ACBD6: variants seen among roughly 807,000 people sequenced by gnomAD.
ACBD6 encodes acyl-CoA-binding domain-containing protein 6.
Under a neutral mutation model 37.2 loss-of-function variants are expected in ACBD6, and 28 were observed. The ratio of observed to expected loss-of-function variants is 0.75; its 90% CI spans 0.56 to 1.03. The LOEUF is 1.03. ACBD6 is among the 50% of genes least tolerant of loss of function. ACBD6 has a pLI of 0.00. For missense variants in ACBD6, 340 were observed against 337.4 expected, an observed-to-expected ratio of 1.01 and a Z score of -0.06; for synonymous variants, 113 against 126.8, an observed-to-expected ratio of 0.89 and a Z score of 0.73.
chr1:180,495,344 T>G, intron 2 of ACBD6, 117 bp downstream of exon 2: 1 of 739,140 alleles, frequency 1.4e-6, no homozygotes, highest in Non-Finnish European at 2.2e-6. Flanking sequence ...TAGTACAATC[T>G]ACAGCAGAGA....
At chr1:180,349,324 C>T (rs1337820834) in intron 6 of ACBD6, among the ~76,000 whole-genome samples, 2 of 150,730 alleles carry the variant, frequency 1.3e-5, no homozygotes, top group East Asian at 3.9e-4. Context: ...CGGGCGATCT[C>T]GGCTCACTGC....
chr1:180,496,053 A>ATGC (rs1199943841), intron 1 of ACBD6, among the ~76,000 whole-genome samples: 2 of 152,202 alleles, frequency 1.3e-5, no homozygotes, highest in African/African-American at 2.4e-5. Flanking sequence ...TTTGGATGCC[A>ATGC]AAAGCCATGC....
At chr1:180,385,681 G>A (rs78639761) in intron 6 of ACBD6, among the ~76,000 whole-genome samples, 73,399 of 151,370 alleles carry the variant, frequency 0.48, 20,571 homozygotes, top group South Asian at 0.66. Context: ...AGGCCCGTGA[G>A]GACCCAGCAA....
intron 6 of ACBD6, among the ~76,000 whole-genome samples, chr1:180,349,572 T>TA (rs201800784): frequency 4.0e-5 from 1 of 25,030 alleles, no homozygotes; most frequent in South Asian, 1.6e-3. Flanking sequence ...TTCTTTAGTA[T>TA]AAAAAAATAA....
chr1:180,460,131 C>G (rs971794535), intron 3 of ACBD6, among the ~76,000 whole-genome samples: 1 of 151,022 alleles, frequency 6.6e-6, no homozygotes, highest in Non-Finnish European at 1.5e-5. Context: ...TCCCTCCCCC[C>G]TCCCCCTACC....
At chr1:180,429,820 A>G (rs1328184032) in intron 4 of ACBD6, among the ~76,000 whole-genome samples, 1 of 152,178 alleles carries the variant, frequency 6.6e-6, no homozygotes, top group Non-Finnish European at 1.5e-5. Context: ...CTTTAGATTG[A>G]GACACAACAT....
chr1:180,327,140 AC>A (rs1318193641), intron 6 of ACBD6, among the ~76,000 whole-genome samples: 1 of 151,884 alleles, frequency 6.6e-6, no homozygotes, highest in Non-Finnish European at 1.5e-5. Flanking sequence ...TATATTTAGG[AC>A]CCCAGATATC....
intron 5 of ACBD6, among the ~76,000 whole-genome samples, chr1:180,405,879 A>T (rs1647603636): frequency 6.6e-6 from 1 of 152,180 alleles, no homozygotes. Flanking sequence ...ATGTGGGTCA[A>T]GGATAAAAAT....
chr1:180,364,021 T>G (rs574518022), intron 6 of ACBD6, among the ~76,000 whole-genome samples: 1 of 152,314 alleles, frequency 6.6e-6, no homozygotes, highest in East Asian at 1.9e-4. Flanking sequence ...AAGATGTGTC[T>G]AAGCCTTTTT....
intron 6 of ACBD6, among the ~76,000 whole-genome samples, chr1:180,347,736 C>G (rs1652242096): frequency 6.6e-6 from 1 of 152,118 alleles, no homozygotes; most frequent in East Asian, 1.9e-4. Context: ...GTTTGGGAGG[C>G]TGAGGCGGGT....
chr1:180,321,490 T>C (rs1231566316), intron 6 of ACBD6, among the ~76,000 whole-genome samples: 2 of 152,172 alleles, frequency 1.3e-5, no homozygotes, highest in South Asian at 2.1e-4. Context: ...TAGTTTTCAT[T>C]GTAGAGATCT....
chr1:180,288,347 T>C lies in ACBD6; in HGVS notation c.*16A>G, dbSNP rs1485429963. On this transcript the variant is annotated 3_prime_UTR_variant, in exon 8 of 8. Transcript: ENST00000367595. The stretch of plus-strand genomic sequence containing the variant: ...AGCCTTATGCTATTACAGACTGCAG[T>C]TTTCCAGTCTTTTGATTAAGCCTTG... 2 of 1,613,416 alleles carry C rather than the reference T, an allele frequency of 1.2e-6. No homozygotes were observed. The highest frequency in any genetic ancestry group is 2.7e-5 in the African/African-American group (2 of 74,910).
At chr1:180,489,356 A>G (rs1239480273) in intron 3 of ACBD6, among the ~76,000 whole-genome samples, 1 of 151,738 alleles carries the variant, frequency 6.6e-6, no homozygotes, top group Non-Finnish European at 1.5e-5. Context: ...AAAAGCTATG[A>G]GTCAAAGGGG....
At chr1:180,371,104 T>TG (rs766313404) in intron 6 of ACBD6, among the ~76,000 whole-genome samples, 109 of 152,226 alleles carry the variant, frequency 7.2e-4, no homozygotes, top group Non-Finnish European at 1.3e-3. Flanking sequence ...TTGGAAAACT[T>TG]GGATTTGAAT....
chr1:180,432,834 C>T (rs1648864542), intron 3 of ACBD6, among the ~76,000 whole-genome samples: 1 of 151,422 alleles, frequency 6.6e-6, no homozygotes, highest in Non-Finnish European at 1.5e-5. Flanking sequence ...TGGAAACATA[C>T]AATCTACCAT....
intron 6 of ACBD6, among the ~76,000 whole-genome samples, chr1:180,361,660 A>G (rs1652859749): frequency 6.6e-6 from 1 of 152,160 alleles, no homozygotes. Context: ...GTATCTAGCA[A>G]AAACAGATAC....
chr1:180,434,576 A>T (rs956881211), intron 3 of ACBD6, among the ~76,000 whole-genome samples: 3 of 152,168 alleles, frequency 2.0e-5, no homozygotes, highest in Admixed American at 2.0e-4. Context: ...CAAATCCTTA[A>T]CTCAGATATT....
chr1:180,486,537 A>C (rs1651269979), intron 3 of ACBD6, among the ~76,000 whole-genome samples: 1 of 152,248 alleles, frequency 6.6e-6, no homozygotes, highest in African/African-American at 2.4e-5. Context: ...GAAAGTTCTC[A>C]ACAATGAATA....
At chr1:180,314,287 C>T (rs546102169) in intron 7 of ACBD6, among the ~76,000 whole-genome samples, 2 of 152,216 alleles carry the variant, frequency 1.3e-5, no homozygotes, top group South Asian at 4.1e-4. Flanking sequence ...CTATGTCACC[C>T]AGGCTGGAGT....
Sources: allele counts gnomAD v4.1 joint callset (sites outside exome capture counted in the v4.1 genomes callset), GRCh38; gene constraint gnomAD v4.1.1; transcripts MANE v1.5; gene names NCBI Gene and HGNC (gene_info 2026-07-23, HGNC 2026-07-21).